Variants in RBMS3 observed in about 807,000 individuals in gnomAD.
The protein encoded by RBMS3 is RNA binding motif single stranded interacting protein 3.
A neutral mutation model predicts 66.8 loss-of-function variants in RBMS3; 27 were observed. The observed-to-expected ratio is 0.40, with a 90% CI of 0.30 to 0.56. RBMS3 has a LOEUF of 0.56. Ranked by LOEUF, RBMS3 falls within the 20% of genes least tolerant of loss-of-function variation. The pLI is 0.40. For synonymous variants in RBMS3, 188 were observed against 183.0 expected (o/e 1.03, Z -0.22); for missense variants, 513 against 549.5 (o/e 0.93, Z 0.66).
Position 29,610,928 on chromosome 3 carries a change from GA to G in RBMS3, c.399+23733del, listed in dbSNP as rs892338326. Among the ~76,000 whole-genome samples the G allele has an allele frequency of 6.4e-4, 95 of 149,160 alleles. No homozygotes were observed. In the Middle Eastern group the frequency reaches 0.014, roughly 22 times the overall value. ...CTGACCTTTCTGCCTTTCCTTAAGG[GA>G]AAAAAAAAATCATCCTTCTTCTTAT... On this transcript the variant is annotated intron_variant, in intron 4 of 14. Transcript: ENST00000383767.
At chr3:29,410,538 C>T (rs1419793436) in intron 1 of RBMS3, among the ~76,000 whole-genome samples, 2 of 152,138 alleles carry the variant, frequency 1.3e-5, no homozygotes, top group Admixed American at 6.5e-5. Flanking sequence ...GATGAATTTG[C>T]GCCAGTGTCT....
chr3:29,658,320 G>A (rs1355668897), intron 4 of RBMS3, among the ~76,000 whole-genome samples: 1 of 152,092 alleles, frequency 6.6e-6, no homozygotes, highest in African/African-American at 2.4e-5. Context: ...AAAATTTTGT[G>A]GGCATAGCAG....
chr3:29,461,652 G>A (rs1435772156), intron 2 of RBMS3, among the ~76,000 whole-genome samples: 1 of 152,154 alleles, frequency 6.6e-6, no homozygotes, highest in Non-Finnish European at 1.5e-5. Flanking sequence ...TAATATTTTG[G>A]AGTATAGCAA....
chr3:29,666,383 GTGTC>G (rs1417494618), intron 4 of RBMS3, among the ~76,000 whole-genome samples: 1 of 152,194 alleles, frequency 6.6e-6, no homozygotes, highest in Non-Finnish European at 1.5e-5. Flanking sequence ...GCACAAAACA[GTGTC>G]TGGCACCTAG....
At chr3:29,960,558 ACATTTC>A (rs1209398082) in intron 12 of RBMS3, among the ~76,000 whole-genome samples, 2 of 152,154 alleles carry the variant, frequency 1.3e-5, no homozygotes, top group Non-Finnish European at 2.9e-5. Flanking sequence ...CTCGCACCCC[ACATTTC>A]CCTTCCACAC....
At chr3:29,643,781 G>T (rs999910249) in intron 4 of RBMS3, among the ~76,000 whole-genome samples, 5 of 152,110 alleles carry the variant, frequency 3.3e-5, no homozygotes, top group Non-Finnish European at 7.4e-5. Context: ...TAGTTCTGTC[G>T]TTGTCTCTGA....
intron 2 of RBMS3, among the ~76,000 whole-genome samples, chr3:29,483,635 C>A (rs573768520): frequency 6.6e-6 from 1 of 152,214 alleles, no homozygotes; most frequent in East Asian, 1.9e-4. Flanking sequence ...TGTTTGTAGC[C>A]CTAGGTTCCT....
chr3:29,543,068 G>A (rs937239049), intron 3 of RBMS3, among the ~76,000 whole-genome samples: 1 of 152,100 alleles, frequency 6.6e-6, no homozygotes, highest in Admixed American at 6.5e-5. Context: ...TAGAAAATGG[G>A]CAGAGGACAG....
chr3:29,726,385 AG>A (rs1380959913), intron 4 of RBMS3, among the ~76,000 whole-genome samples: 1 of 152,154 alleles, frequency 6.6e-6, no homozygotes, highest in African/African-American at 2.4e-5. Flanking sequence ...AAAGAAATAA[AG>A]GGTATTCAAA....
chr3:29,589,551 A>T (rs1306345270), intron 4 of RBMS3, among the ~76,000 whole-genome samples: 2 of 152,122 alleles, frequency 1.3e-5, no homozygotes, highest in Non-Finnish European at 2.9e-5. Context: ...ATGACTCTGT[A>T]ATTTAACTAT....
chr3:29,576,560 C>T (rs1351347380), intron 3 of RBMS3, among the ~76,000 whole-genome samples: 1 of 152,190 alleles, frequency 6.6e-6, no homozygotes, highest in African/African-American at 2.4e-5. Flanking sequence ...TGTGTCCCTA[C>T]CTTCAGGATG....
intron 4 of RBMS3, among the ~76,000 whole-genome samples, chr3:29,599,191 A>G (rs555911055): frequency 7.3e-5 from 11 of 151,592 alleles, no homozygotes; most frequent in Non-Finnish European, 1.6e-4. Context: ...ATTTGATAAC[A>G]TAATAGGGTA....
chr3:29,812,326 C>T (rs1440634205), intron 6 of RBMS3, among the ~76,000 whole-genome samples: 2 of 152,086 alleles, frequency 1.3e-5, no homozygotes, highest in Non-Finnish European at 2.9e-5. Flanking sequence ...CAAATCGTTC[C>T]CCTCCCACCA....
chr3:29,945,862 A>G (rs1695271268), intron 12 of RBMS3, among the ~76,000 whole-genome samples: 1 of 151,722 alleles, frequency 6.6e-6, no homozygotes, highest in South Asian at 2.1e-4. Flanking sequence ...GAGCAGATAA[A>G]TTACTTGATA....
intron 1 of RBMS3, among the ~76,000 whole-genome samples, chr3:29,301,254 TAGAG>T (rs755203626): frequency 2.6e-5 from 4 of 152,030 alleles, no homozygotes; most frequent in Admixed American, 2.6e-4. Flanking sequence ...GCTACAATTA[TAGAG>T]AGTGATAATT....
At chr3:29,852,606 A>G (rs963839682) in intron 6 of RBMS3, among the ~76,000 whole-genome samples, 8 of 152,206 alleles carry the variant, frequency 5.3e-5, no homozygotes, top group Admixed American at 5.2e-4. Context: ...TAAAACCACA[A>G]TGAGATATTA....
intron 1 of RBMS3, among the ~76,000 whole-genome samples, chr3:29,342,744 T>C (rs910540507): frequency 1.0e-3 from 156 of 152,292 alleles, no homozygotes; most frequent in African/African-American, 3.4e-3. Context: ...AACCTATACG[T>C]AGTGGTTGAA....
intron 8 of RBMS3, among the ~76,000 whole-genome samples, chr3:29,884,607 T>C (rs944400732): frequency 4.6e-5 from 7 of 151,660 alleles, no homozygotes; most frequent in Non-Finnish European, 8.8e-5. Context: ...TCTTTCTTTC[T>C]GGTGATCAGG....
chr3:29,728,984 A>G (rs2054005007), intron 4 of RBMS3, among the ~76,000 whole-genome samples: 1 of 151,990 alleles, frequency 6.6e-6, no homozygotes, highest in African/African-American at 2.4e-5. Context: ...TGTTAAATAT[A>G]TATATATATT....
Sources: allele counts gnomAD v4.1 joint callset (sites outside exome capture counted in the v4.1 genomes callset), GRCh38; gene constraint gnomAD v4.1.1; transcripts MANE v1.5; gene names NCBI Gene and HGNC (gene_info 2026-07-23, HGNC 2026-07-21).